Variants in ADGRL2 observed in about 807,000 individuals in gnomAD.
ADGRL2 encodes the protein calcium-independent alpha-latrotoxin receptor 2.
A neutral mutation model predicts 157.4 loss-of-function variants in ADGRL2; 44 were observed. That is an observed-to-expected ratio of 0.28 (90% CI 0.22 to 0.36). The LOEUF is 0.36. Among genes scored for constraint, ADGRL2 ranks in the 10% least tolerant of loss-of-function variants. The pLI is 1.00. For synonymous variants in ADGRL2, 585 were observed against 624.7 expected, an observed-to-expected ratio of 0.94 and a Z score of 0.95; for missense variants, 1,510 against 1,768.9, an observed-to-expected ratio of 0.85 and a Z score of 2.63.
intron 2 of ADGRL2, among the ~76,000 whole-genome samples, chr1:81,461,298 GT>G (rs2077923849): frequency 6.6e-6 from 1 of 150,810 alleles, no homozygotes; most frequent in Admixed American, 6.6e-5. Flanking sequence ...TTTTCCTTTG[GT>G]TTTGGCCTTT....
chr1:81,666,121 A>C (rs1290093044), intron 3 of ADGRL2, among the ~76,000 whole-genome samples: 1 of 152,232 alleles, frequency 6.6e-6, no homozygotes, highest in Non-Finnish European at 1.5e-5. Flanking sequence ...ATCAATTTTT[A>C]AATAGACTCT....
At chr1:81,537,245 A>G (rs1415492285) in intron 2 of ADGRL2, among the ~76,000 whole-genome samples, 4 of 152,158 alleles carry the variant, frequency 2.6e-5, no homozygotes, top group Non-Finnish European at 5.9e-5. Flanking sequence ...TTAAAGTTAT[A>G]AGTTAAAACT....
Position 81,453,692 on chromosome 1 carries a change from G to A in ADGRL2, c.-248+8603G>A, listed in dbSNP as rs1267074902. ...TTTAGTGGACTGGTGACTTTAGCAGGCTTGCCGATTTTTGCTTTTCCTGGC... is the reference window on the plus strand; with the variant it reads ...TTTAGTGGACTGGTGACTTTAGCAGACTTGCCGATTTTTGCTTTTCCTGGC... On this transcript the variant is annotated intron_variant, in intron 2 of 24. Transcript: ENST00000370721. Among the ~76,000 whole-genome samples the A allele has an allele frequency of 2.6e-5, 4 of 152,094 alleles. No homozygotes were observed. In the South Asian group the frequency reaches 6.2e-4, roughly 24 times the overall value.
At chr1:81,440,178 C>A (rs1219288449) in intron 1 of ADGRL2, among the ~76,000 whole-genome samples, 1 of 152,202 alleles carries the variant, frequency 6.6e-6, no homozygotes, top group Admixed American at 6.5e-5. Flanking sequence ...GCACACCAAA[C>A]AGGAAGACAA....
At chr1:81,750,928 A>G (rs2085469925) in intron 1 of ADGRL2, among the ~76,000 whole-genome samples, 1 of 152,146 alleles carries the variant, frequency 6.6e-6, no homozygotes, top group African/African-American at 2.4e-5. Context: ...GCCCCAAAAC[A>G]ATGGGCACAC....
In ADGRL2 at chr1:81,644,361, T is replaced by A. The variant is rs559719168; in HGVS notation, c.-143+63381T>A. On this transcript the variant is annotated intron_variant, in intron 3 of 24. Coordinates refer to the ADGRL2 transcript ENST00000370721. ...AGGCATAATCTATGAAAGAAAAAAATTGATAAAGTGGACTTCATTAAGATT... is the reference window on the plus strand; with the variant it reads ...AGGCATAATCTATGAAAGAAAAAAAATGATAAAGTGGACTTCATTAAGATT... Among the ~76,000 whole-genome samples the A allele has an allele frequency of 2.1e-3, 325 of 152,064 alleles. 1 individual carries two copies. Among genetic ancestry groups the A allele is most frequent in the Non-Finnish European group, 4.2e-3 (288 of 67,968 alleles).
chr1:81,322,496 T>A (rs1056611403), intron 1 of ADGRL2, among the ~76,000 whole-genome samples: 12 of 152,120 alleles, frequency 7.9e-5, no homozygotes, highest in African/African-American at 2.7e-4. Flanking sequence ...AAAAAAGATT[T>A]ATGGTCTTCA....
At chr1:81,414,626 A>C (rs76833103) in intron 1 of ADGRL2, among the ~76,000 whole-genome samples, 1,575 of 152,254 alleles carry the variant, frequency 0.01, 29 homozygotes, top group African/African-American at 0.036. Context: ...CTCTGAGTCC[A>C]TGTGAACGAT....
At chr1:81,530,135 G>A (rs1345779521) in intron 2 of ADGRL2, among the ~76,000 whole-genome samples, 1 of 152,106 alleles carries the variant, frequency 6.6e-6, no homozygotes, top group Non-Finnish European at 1.5e-5. Context: ...ACATCTAGTA[G>A]TGACAGGCCT....
At chr1:81,830,704 G>A (rs888237225) in intron 1 of ADGRL2, among the ~76,000 whole-genome samples, 1 of 151,764 alleles carries the variant, frequency 6.6e-6, no homozygotes. Context: ...ACGGGGTTTC[G>A]CCACATTGGC....
rs538083992 is a variant in ADGRL2, at chr1:81,487,621, G to T, written c.-248+42532G>T. ...GATGGCGCCACTGAACTCCAGGCTGGGAGACAGAGCAAGACTCCATCTCAA... is the reference window on the plus strand; with the variant it reads ...GATGGCGCCACTGAACTCCAGGCTGTGAGACAGAGCAAGACTCCATCTCAA... On this transcript the variant is annotated intron_variant, in intron 2 of 24. Coordinates refer to the ADGRL2 transcript ENST00000370721. 2.6e-5 allele frequency among the ~76,000 whole-genome samples: 4 copies of T among 151,826 alleles called. No individual in the cohort carries two copies. The East Asian group carries it at 7.7e-4, about 29-fold the overall frequency.
At chr1:81,557,646 G>A (rs1250464070) in intron 2 of ADGRL2, 4 of 152,328 alleles carry the variant, frequency 2.6e-5, no homozygotes, top group South Asian at 4.1e-4. Context: ...CAGTGCAGTT[G>A]ACATAGTCCT....
chr1:81,431,210 A>G (rs1468751678), intron 1 of ADGRL2, among the ~76,000 whole-genome samples: 2 of 152,108 alleles, frequency 1.3e-5, no homozygotes, highest in Non-Finnish European at 2.9e-5. Flanking sequence ...TTTTGGAGGT[A>G]GGGTGGGGAG....
chr1:81,980,864 A>C (rs765978310), intron 18 of ADGRL2: 2 of 653,300 alleles, frequency 3.1e-6, no homozygotes. Context: ...TACATTAACA[A>C]ATTTATGGCA....
At chr1:81,422,349 A>G (rs1475943579) in intron 1 of ADGRL2, among the ~76,000 whole-genome samples, 3 of 152,272 alleles carry the variant, frequency 2.0e-5, no homozygotes, top group African/African-American at 7.2e-5. Context: ...AATTCAAGCG[A>G]TTCTCCTGCC....
chr1:81,870,451 A>T (rs12139742), intron 2 of ADGRL2, among the ~76,000 whole-genome samples: 38,645 of 152,000 alleles, frequency 0.25, 5,950 homozygotes, highest in Middle Eastern at 0.48. Flanking sequence ...TGCAAGGATC[A>T]ATTTTAAAAT....
intron 3 of ADGRL2, among the ~76,000 whole-genome samples, chr1:81,666,153 C>T (rs929249829): frequency 6.6e-6 from 1 of 152,282 alleles, no homozygotes; most frequent in Middle Eastern, 3.4e-3. Context: ...AATGCTACTG[C>T]ATGTCACAAC....
At chr1:81,980,710 A>G in intron 18 of ADGRL2, 3 of 558,092 alleles carry the variant, frequency 5.4e-6, no homozygotes, top group Non-Finnish European at 1.0e-5. Context: ...GCTTCATTGC[A>G]TGTTGCATGG....
chr1:81,323,902 C>T (rs1374769103), intron 1 of ADGRL2, among the ~76,000 whole-genome samples: 5 of 152,052 alleles, frequency 3.3e-5, no homozygotes, highest in East Asian at 1.9e-4. Flanking sequence ...AGAGGAGCAT[C>T]GCAAAGAATC....
Sources: gnomAD v4.1 joint callset for allele counts (sites outside exome capture counted in the v4.1 genomes callset) on GRCh38, gnomAD v4.1.1 for gene constraint, MANE v1.5 for transcripts, NCBI Gene and HGNC (gene_info 2026-07-23, HGNC 2026-07-21) for gene names.